Variants in FRMD5 observed in about 807,000 individuals in gnomAD.
The protein encoded by FRMD5 is FERM domain-containing protein 5.
A neutral mutation model predicts 69.0 loss-of-function variants in FRMD5; 20 were observed. The observed-to-expected ratio is 0.29, with a 90% CI of 0.20 to 0.42. FRMD5 has a LOEUF of 0.42. FRMD5 is among the 10% of genes least tolerant of loss of function. The pLI is 1.00. For synonymous variants in FRMD5, 271 were observed against 260.1 expected, an observed-to-expected ratio of 1.04 and a Z score of -0.40; for missense variants, 595 against 708.6, an observed-to-expected ratio of 0.84 and a Z score of 1.82.
At chr15:44,147,680 T>C (rs1054298983) in intron 1 of FRMD5, among the ~76,000 whole-genome samples, 4 of 152,212 alleles carry the variant, frequency 2.6e-5, no homozygotes, top group Non-Finnish European at 5.9e-5. Context: ...ACCAGGAATC[T>C]GTTGCCCCAC....
chr15:44,142,014 C>T (rs2077281461), intron 1 of FRMD5, among the ~76,000 whole-genome samples: 1 of 152,070 alleles, frequency 6.6e-6, no homozygotes, highest in African/African-American at 2.4e-5. Context: ...TGGCCTTTTC[C>T]ATAATCTCTT....
At chr15:44,162,377 C>T (rs1308555071) in intron 1 of FRMD5, among the ~76,000 whole-genome samples, 8 of 151,158 alleles carry the variant, frequency 5.3e-5, no homozygotes, top group Admixed American at 5.3e-4. Context: ...GATGGGACTA[C>T]AGGTCCACGC....
At chr15:44,162,076 T>C (rs2077625202) in intron 1 of FRMD5, among the ~76,000 whole-genome samples, 1 of 152,118 alleles carries the variant, frequency 6.6e-6, no homozygotes, top group African/African-American at 2.4e-5. Flanking sequence ...GCGATTCTCC[T>C]GCCTCAGCCT....
At chr15:43,995,472 G>A (rs569904431) in intron 1 of FRMD5, among the ~76,000 whole-genome samples, 87 of 152,132 alleles carry the variant, frequency 5.7e-4, no homozygotes, top group African/African-American at 2.0e-3. Flanking sequence ...ACAGGAGCTG[G>A]CCTGGAGCAT....
intron 1 of FRMD5, among the ~76,000 whole-genome samples, chr15:44,171,538 TTTAGAAA>T (rs2077803701): frequency 6.6e-6 from 1 of 152,214 alleles, no homozygotes; most frequent in African/African-American, 2.4e-5. Flanking sequence ...ATGTAGTATC[TTTAGAAA>T]TTATTTTTTT....
chr15:43,972,951 C>A (rs181896289), intron 1 of FRMD5, among the ~76,000 whole-genome samples: 1 of 152,280 alleles, frequency 6.6e-6, no homozygotes, highest in African/African-American at 2.4e-5. Flanking sequence ...TTCCCCAGGC[C>A]GAATATCTAA....
chr15:44,148,953 TGAGA>T (rs2077401780), intron 1 of FRMD5, among the ~76,000 whole-genome samples: 1 of 152,168 alleles, frequency 6.6e-6, no homozygotes, highest in Non-Finnish European at 1.5e-5. Context: ...CTCCATGATT[TGAGA>T]GACTTATACG....
intron 1 of FRMD5, among the ~76,000 whole-genome samples, chr15:44,153,786 T>A (rs1351868533): frequency 6.6e-6 from 1 of 152,114 alleles, no homozygotes; most frequent in Non-Finnish European, 1.5e-5. Flanking sequence ...CTGGCCAACA[T>A]GGTGAAACCC....
intron 1 of FRMD5, among the ~76,000 whole-genome samples, chr15:44,070,788 T>C (rs1394415237): frequency 6.6e-6 from 1 of 152,206 alleles, no homozygotes; most frequent in Non-Finnish European, 1.5e-5. Context: ...TAGCTACTGA[T>C]AGGTAACTCA....
chr15:44,099,431 T>A lies in FRMD5; in HGVS notation c.102+95522A>T, dbSNP rs1422231504. On this transcript the variant is annotated intron_variant, in intron 1 of 13. Coordinates refer to ENST00000417257, the MANE Select transcript of FRMD5 (RefSeq NM_032892.5). Reference sequence around the variant, plus strand: ...CTACCATGACCTCTCTTGGAGGTGGTAATGTCCAAGTAATCTCTTTGACAC... The same window carrying A: ...CTACCATGACCTCTCTTGGAGGTGGAAATGTCCAAGTAATCTCTTTGACAC... 4.6e-5 allele frequency among the ~76,000 whole-genome samples: 7 copies of A among 152,084 alleles called. No individual in the cohort carries two copies. In the East Asian group the frequency reaches 1.2e-3, roughly 25 times the overall value.
intron 1 of FRMD5, among the ~76,000 whole-genome samples, chr15:44,100,958 G>A (rs919820535): frequency 6.6e-6 from 1 of 152,026 alleles, no homozygotes. Flanking sequence ...AGACCATCCT[G>A]GCCAACATGG....
In FRMD5 at chr15:44,147,907, A is replaced by G. The variant is rs1336969170; in HGVS notation, c.102+47046T>C. Among the ~76,000 whole-genome samples, 8 of 152,312 alleles carry G rather than the reference A, an allele frequency of 5.3e-5. No individual in the cohort carries two copies. In the East Asian group the frequency reaches 1.5e-3, roughly 29 times the overall value. ...TGCTTGCACATAGCTTGCAGGAGCC[A>G]GGGTGGGCAAAAAAAGACTTTGTCC... is the stretch of plus-strand genomic sequence containing the variant. On this transcript the variant is annotated intron_variant, in intron 1 of 13. Transcript: ENST00000417257.
chr15:44,123,998 T>G (rs1473081094), intron 1 of FRMD5, among the ~76,000 whole-genome samples: 1 of 152,108 alleles, frequency 6.6e-6, no homozygotes, highest in African/African-American at 2.4e-5. Flanking sequence ...TGTTTTGTTT[T>G]TTTGTTTTTT....
Position 44,086,077 on chromosome 15 carries a change from G to A in FRMD5, c.102+108876C>T, listed in dbSNP as rs1894186386. ...GAAGACTGCAGGAATGAGAGAAACAGAGGTGTTTAATAATGATACAAGCAA... is the reference window on the plus strand; with the variant it reads ...GAAGACTGCAGGAATGAGAGAAACAAAGGTGTTTAATAATGATACAAGCAA... On this transcript the variant is annotated intron_variant, in intron 1 of 13. Transcript: ENST00000417257. Among the ~76,000 whole-genome samples, 3 of 152,230 alleles carry A rather than the reference G, an allele frequency of 2.0e-5. No homozygotes were observed. In the South Asian group the frequency reaches 6.2e-4, roughly 32 times the overall value.
intron 1 of FRMD5, among the ~76,000 whole-genome samples, chr15:44,120,894 G>A (rs1051370385): frequency 6.6e-6 from 1 of 152,084 alleles, no homozygotes; most frequent in Non-Finnish European, 1.5e-5. Context: ...ATGAACCCAA[G>A]TAGAGACATG....
chr15:43,906,284 T>C (rs146639336), intron 5 of FRMD5, among the ~76,000 whole-genome samples: 2 of 152,262 alleles, frequency 1.3e-5, no homozygotes, highest in Non-Finnish European at 2.9e-5. Flanking sequence ...CATGAGAAGA[T>C]GGTCTGGGAG....
intron 1 of FRMD5, chr15:43,988,941 A>G: frequency 1.8e-6 from 1 of 568,928 alleles, no homozygotes; most frequent in Non-Finnish European, 3.4e-6. Context: ...TTAAATCCTG[A>G]GTCGAGCCAA....
chr15:43,968,058 A>AT (rs998527572), intron 1 of FRMD5, among the ~76,000 whole-genome samples: 5 of 151,444 alleles, frequency 3.3e-5, no homozygotes, highest in Admixed American at 6.6e-5. Flanking sequence ...AAAAAGGAAG[A>AT]TTTTTTTCCA....
At chr15:44,103,783 A>T (rs1457027130) in intron 1 of FRMD5, among the ~76,000 whole-genome samples, 1 of 152,230 alleles carries the variant, frequency 6.6e-6, no homozygotes, top group Non-Finnish European at 1.5e-5. Context: ...AGCTCATACA[A>T]CATTTTGGTC....
Sources: allele counts gnomAD v4.1 joint callset (sites outside exome capture counted in the v4.1 genomes callset), GRCh38; gene constraint gnomAD v4.1.1; transcripts MANE v1.5; gene names NCBI Gene and HGNC (gene_info 2026-07-23, HGNC 2026-07-21).